MTRF1: variants seen among roughly 807,000 people sequenced by gnomAD.
MTRF1 encodes the protein mitochondrial translation release factor 1, also known as peptide chain release factor 1, mitochondrial.
In MTRF1, 51 loss-of-function variants were observed where a neutral mutation model predicts 62.9. The ratio of observed to expected loss-of-function variants is 0.81; its 90% CI spans 0.65 to 1.02. The LOEUF is 1.02. MTRF1 is among the 50% of genes least tolerant of loss of function. The pLI is 0.00. For synonymous variants in MTRF1, 158 were observed against 181.9 expected (o/e 0.87, Z 1.06); for missense variants, 446 against 530.0 (o/e 0.84, Z 1.56).
Position 41,254,482 on chromosome 13 carries a change from T to C in MTRF1, c.507+47A>G, listed in dbSNP as rs754060076. ...GAAGCAGAGTCTAGCAAAAACAGCA[T>C]TCCTTTATACAGCACTATTGAAACT... On this transcript the variant is annotated intron_variant, in intron 3 of 9. Transcript: ENST00000379480. The C allele has an allele frequency of 5.7e-6, 8 of 1,397,778 alleles. No individual in the cohort carries two copies. The South Asian group carries it at 9.9e-5, about 17-fold the overall frequency. 86.6% of individuals were successfully genotyped at this position (1,397,778 alleles called of 1,614,324 possible).
chr13:41,225,099 C>A (rs548327323), intron 8 of MTRF1, among the ~76,000 whole-genome samples: 327 of 151,846 alleles, frequency 2.2e-3, no homozygotes, highest in Non-Finnish European at 3.6e-3. Flanking sequence ...GTAATCCCAG[C>A]CACTCGGGAA....
the MTRF1 span, chr13:41,288,113 G>A: frequency 4.0e-6 from 2 of 496,334 alleles, no homozygotes; most frequent in Non-Finnish European, 8.1e-6. Context: ...GATAGAATGG[G>A]GGCATAATCT....
chr13:41,220,139 C>T, intron 9 of MTRF1, among the ~76,000 whole-genome samples: 1 of 151,010 alleles, frequency 6.6e-6, no homozygotes, highest in East Asian at 1.9e-4. Context: ...ACTAGCCTGG[C>T]CAACATGGTG....
At chr13:41,285,309 C>T in the MTRF1 span, among the ~76,000 whole-genome samples, 78 of 152,286 alleles carry the variant, frequency 5.1e-4, 1 homozygote, top group African/African-American at 1.8e-3. Flanking sequence ...ACTTGGTTGG[C>T]GTGTCTTCCT....
chr13:41,255,214 GT>G (rs58018698), intron 2 of MTRF1, among the ~76,000 whole-genome samples: 11 of 148,474 alleles, frequency 7.4e-5, no homozygotes, highest in Admixed American at 1.4e-4. Context: ...AGTTCACATT[GT>G]TTTTTTTTTA....
chr13:41,260,348 G>A, intron 2 of MTRF1, 145 bp downstream of exon 2: 2 of 831,206 alleles, frequency 2.4e-6, no homozygotes, highest in Non-Finnish European at 3.6e-6. Context: ...GTGAGAACCT[G>A]CTTCTGTGGG....
chr13:41,272,908 A>G, the MTRF1 span, among the ~76,000 whole-genome samples: 1 of 152,062 alleles, frequency 6.6e-6, no homozygotes, highest in Admixed American at 6.5e-5. Flanking sequence ...ATCTTGACCA[A>G]ATTTTGGGAG....
chr13:41,243,878 C>T (rs1487218238), intron 5 of MTRF1, among the ~76,000 whole-genome samples: 3 of 152,192 alleles, frequency 2.0e-5, no homozygotes, highest in African/African-American at 7.2e-5. Flanking sequence ...AATACAATTA[C>T]TAAAAACATT....
rs545938481 is a variant in MTRF1, at chr13:41,250,110, C to T, written c.697+2535G>A. On this transcript the variant is annotated intron_variant, in intron 5 of 9. Transcript: ENST00000379480. The stretch of plus-strand genomic sequence containing the variant: ...TCTCTCTTCCTGTTATTGAGGTTAT[C>T]TCCCTTTTATTCTTGAAAGTCTCAT... Among the ~76,000 whole-genome samples the T allele has an allele frequency of 5.3e-5, 8 of 152,260 alleles. No homozygotes were observed. The South Asian group carries it at 1.4e-3, about 28-fold the overall frequency.
At chr13:41,289,232 A>ATTTTT in the MTRF1 span, among the ~76,000 whole-genome samples, 1 of 137,492 alleles carries the variant, frequency 7.3e-6, no homozygotes. Flanking sequence ...GTGGATTTAA[A>ATTTTT]TTTTTTTTTT....
At chr13:41,298,003 CTT>C in the MTRF1 span, among the ~76,000 whole-genome samples, 4 of 152,124 alleles carry the variant, frequency 2.6e-5, no homozygotes, top group African/African-American at 9.7e-5. Flanking sequence ...TCAATCTTAT[CTT>C]TTAATTCTAA....
chr13:41,226,543 T>C lies in MTRF1; in HGVS notation c.1014A>G (p.Glu338=), dbSNP rs182342549. The C allele has an allele frequency of 8.1e-6, 13 of 1,613,984 alleles. No individual in the cohort carries two copies. The African/African-American group carries it at 1.3e-4, about 17-fold the overall frequency. Residue 338 remains glutamate, a synonymous_variant, in exon 8 of 10, where the codon GAA becomes GAG. Coordinates refer to ENST00000379480, the MANE Select transcript of MTRF1 (RefSeq NM_004294.4). ...PTGLVVECQQ[E]RSQIKNKEIA... ...TTTCTTTATTTTTTATCTGTGATCT[T>C]TCTTGTTGGCATTCTACTACTAGCC...
chr13:41,289,231 A>ATT, the MTRF1 span, among the ~76,000 whole-genome samples: 3 of 74,872 alleles, frequency 4.0e-5, no homozygotes, highest in African/African-American at 1.1e-4. Context: ...AGTGGATTTA[A>ATT]ATTTTTTTTT....
rs143455078 is a variant in MTRF1, at chr13:41,219,598, G to C, written c.1225-2370C>G. The stretch of plus-strand genomic sequence containing the variant: ...TAAGGAACCATGAATTTTGAAGAAA[G>C]GTGGCATCAGGGAAAGATTCAGGAA... On this transcript the variant is annotated intron_variant, in intron 9 of 9. Transcript: ENST00000379480. Among the ~76,000 whole-genome samples, 115 of 152,288 alleles carry C rather than the reference G, an allele frequency of 7.6e-4. 1 individual carries two copies. The East Asian group carries it at 0.018, about 24-fold the overall frequency.
At chr13:41,280,109 T>C in the MTRF1 span, among the ~76,000 whole-genome samples, 1 of 152,156 alleles carries the variant, frequency 6.6e-6, no homozygotes, top group African/African-American at 2.4e-5. Flanking sequence ...GTCTAATTTT[T>C]GTATTTTTTG....
At chr13:41,265,063 TTTA>T (rs1294292675), upstream of MTRF1, among the ~76,000 whole-genome samples, 5 of 152,332 alleles carry the variant, frequency 3.3e-5, no homozygotes, top group Non-Finnish European at 5.9e-5. Context: ...TCTTTAATTA[TTTA>T]TTCTGATTTG....
the MTRF1 span, among the ~76,000 whole-genome samples, chr13:41,304,131 T>A: frequency 6.6e-6 from 1 of 152,168 alleles, no homozygotes; most frequent in Non-Finnish European, 1.5e-5. Context: ...CTCTTTCTGG[T>A]AACATAAGAA....
At chr13:41,295,840 T>C in the MTRF1 span, among the ~76,000 whole-genome samples, 1 of 152,180 alleles carries the variant, frequency 6.6e-6, no homozygotes, top group Non-Finnish European at 1.5e-5. Flanking sequence ...GGAGTACAGT[T>C]GTGTGATCGT....
At chr13:41,272,667 C>T in the MTRF1 span, among the ~76,000 whole-genome samples, 2 of 152,152 alleles carry the variant, frequency 1.3e-5, no homozygotes, top group Non-Finnish European at 2.9e-5. Context: ...CAGCAACTTA[C>T]CTAGCGATGG....
Sources: allele counts gnomAD v4.1 joint callset (sites outside exome capture counted in the v4.1 genomes callset), GRCh38; gene constraint gnomAD v4.1.1; transcripts MANE v1.5; gene names NCBI Gene and HGNC (gene_info 2026-07-23, HGNC 2026-07-21).